The following RALGPS2 variants were observed in gnomAD, a reference collection of about 807,000 sequenced individuals.
RALGPS2 encodes ras-specific guanine nucleotide-releasing factor RalGPS2.
In RALGPS2, 43 loss-of-function variants were observed where a neutral mutation model predicts 86.8. The observed-to-expected ratio is 0.50, with a 90% CI of 0.39 to 0.64. The LOEUF (loss-of-function observed/expected upper bound fraction) is 0.64. Ranked by LOEUF, RALGPS2 falls within the 30% of genes least tolerant of loss-of-function variation. The probability of loss-of-function intolerance (pLI) is 0.00; values close to 1 mark genes in which losing one functional copy is unlikely to be tolerated. For synonymous variants in RALGPS2, 243 were observed against 231.3 expected (o/e 1.05, Z -0.46); for missense variants, 536 against 694.6 (o/e 0.77, Z 2.57).
chr1:178,891,343 C>T (rs1219281791), intron 14 of RALGPS2, among the ~76,000 whole-genome samples: 1 of 152,040 alleles, frequency 6.6e-6, no homozygotes, highest in Non-Finnish European at 1.5e-5. Flanking sequence ...TAAAGTACTA[C>T]TCATGGATAG....
intron 8 of RALGPS2, among the ~76,000 whole-genome samples, chr1:178,840,546 G>C (rs1023171418): frequency 1.3e-4 from 20 of 152,278 alleles, no homozygotes; most frequent in African/African-American, 4.6e-4. Context: ...ACAAGAGAAA[G>C]CAGGAAAGAT....
intron 7 of RALGPS2, among the ~76,000 whole-genome samples, chr1:178,831,218 A>G (rs1656003279): frequency 6.6e-6 from 1 of 152,228 alleles, no homozygotes; most frequent in South Asian, 2.1e-4. Context: ...TTCGTTATAA[A>G]GTTTAAATCC....
intron 4 of RALGPS2, among the ~76,000 whole-genome samples, chr1:178,793,400 T>C (rs1295497317): frequency 1.4e-5 from 2 of 146,168 alleles, no homozygotes; most frequent in Admixed American, 1.4e-4. Flanking sequence ...ACCACAGGGG[T>C]CTTTTTTTTT....
chr1:178,857,121 T>C (rs906084474), intron 8 of RALGPS2, among the ~76,000 whole-genome samples: 5 of 152,194 alleles, frequency 3.3e-5, no homozygotes, highest in Non-Finnish European at 5.9e-5. Flanking sequence ...TAATTTCTTA[T>C]GTGGGAGTGA....
At chr1:178,806,221 T>A (rs1654733106) in intron 4 of RALGPS2, among the ~76,000 whole-genome samples, 2 of 152,302 alleles carry the variant, frequency 1.3e-5, no homozygotes, top group Non-Finnish European at 2.9e-5. Context: ...ACAAATTCTC[T>A]GAGATGTTCA....
At chr1:178,746,836 C>T in intron 1 of RALGPS2, 1 of 1,173,674 alleles carries the variant, frequency 8.5e-7, no homozygotes. Flanking sequence ...TTGTATCTTG[C>T]ATTTTAGAGG....
At chr1:178,827,616 C>T (rs1262121992) in intron 7 of RALGPS2, among the ~76,000 whole-genome samples, 1 of 151,838 alleles carries the variant, frequency 6.6e-6, no homozygotes, top group Non-Finnish European at 1.5e-5. Context: ...GGGATGGTCT[C>T]GATCTCCTGA....
Position 178,892,277 on chromosome 1 carries a change from A to G in RALGPS2, c.1295A>G (p.Asn432Ser), listed in dbSNP as rs1572456674. Residue 432 changes from asparagine to serine, a missense_variant, in exon 15 of 20, where the codon AAT (asparagine) becomes AGT (serine). Asn to Ser is a conservative substitution (Grantham distance 46, BLOSUM62 1). Around this residue, in one of 3 missense-constraint regions of RALGPS2, gnomAD observed 309 missense variants for 363.0 expected, o/e 0.85. Transcript: ENST00000367635. ...GGCCCGGTGACAAGAGTGGCACGAA[A>G]TGGCTATCGAAGTCACATGAAGGCC... ...SLGPVTRVAR[N>S]GYRSHMKASS... is the part of the protein sequence containing the mutation. 3.7e-6 allele frequency: 6 copies of G among 1,612,758 alleles called. No individual in the cohort carries two copies. In the East Asian group the frequency reaches 1.3e-4, roughly 36 times the overall value.
At chr1:178,806,806 C>CT (rs1162871177) in intron 4 of RALGPS2, among the ~76,000 whole-genome samples, 1 of 151,902 alleles carries the variant, frequency 6.6e-6, no homozygotes, top group Non-Finnish European at 1.5e-5. Context: ...AGTTCTTTTT[C>CT]TTTTTTTGTT....
chr1:178,883,771 G>A (rs896719289), intron 11 of RALGPS2, among the ~76,000 whole-genome samples: 1 of 152,082 alleles, frequency 6.6e-6, no homozygotes, highest in South Asian at 2.1e-4. Context: ...GGATCACAGG[G>A]TCAGGAGATC....
At chr1:178,861,595 C>G (rs781010842) in intron 8 of RALGPS2, among the ~76,000 whole-genome samples, 14 of 152,108 alleles carry the variant, frequency 9.2e-5, no homozygotes, top group Non-Finnish European at 2.1e-4. Flanking sequence ...ACCATCCACT[C>G]AAGCTTCAGG....
At chr1:178,811,526 TAA>T (rs1434204930) in intron 6 of RALGPS2, 122 bp downstream of exon 6, 7 of 685,698 alleles carry the variant, frequency 1.0e-5, no homozygotes, top group Non-Finnish European at 1.7e-5. Context: ...CTCATTGATA[TAA>T]GTCAATTTTT....
intron 18 of RALGPS2, among the ~76,000 whole-genome samples, chr1:178,903,221 T>A (rs1380397204): frequency 6.6e-6 from 1 of 152,214 alleles, no homozygotes; most frequent in Non-Finnish European, 1.5e-5. Context: ...TATCAACAGA[T>A]ATCCCACTTT....
intron 2 of RALGPS2, among the ~76,000 whole-genome samples, chr1:178,782,428 G>A (rs1457997547): frequency 6.6e-6 from 1 of 152,080 alleles, no homozygotes; most frequent in African/African-American, 2.4e-5. Context: ...TATGCCCAGA[G>A]CATTCTGTTC....
intron 8 of RALGPS2, chr1:178,865,566 G>C: frequency 6.2e-7 from 1 of 1,614,088 alleles, no homozygotes; most frequent in East Asian, 2.2e-5. Flanking sequence ...CTTGCATCTT[G>C]CCCCTTGGTG....
chr1:178,858,028 T>C (rs12757284), intron 8 of RALGPS2, among the ~76,000 whole-genome samples: 36,294 of 152,150 alleles, frequency 0.24, 5,054 homozygotes, highest in Non-Finnish European at 0.32. Flanking sequence ...TGTTTTGCAG[T>C]GGGCTTTGTG....
chr1:178,827,451 G>A (rs1655801096), intron 7 of RALGPS2, among the ~76,000 whole-genome samples: 1 of 144,312 alleles, frequency 6.9e-6, no homozygotes, highest in Admixed American at 7.0e-5. Context: ...CTGGAGTGCA[G>A]TGGCGGGATC....
intron 4 of RALGPS2, among the ~76,000 whole-genome samples, chr1:178,805,845 G>A (rs990711761): frequency 6.6e-6 from 1 of 152,006 alleles, no homozygotes; most frequent in African/African-American, 2.4e-5. Context: ...TTTTCTTTGA[G>A]CTAAAATGTA....
At chr1:178,780,735 T>C (rs1288148617) in intron 2 of RALGPS2, among the ~76,000 whole-genome samples, 1 of 152,174 alleles carries the variant, frequency 6.6e-6, no homozygotes, top group African/African-American at 2.4e-5. Context: ...CTTCCCATTC[T>C]GGTGTGTCCC....
Sources: allele counts gnomAD v4.1 joint callset (sites outside exome capture counted in the v4.1 genomes callset), GRCh38; gene constraint gnomAD v4.1.1; regional missense constraint gnomAD v4.1.1; transcripts MANE v1.5; gene names NCBI Gene and HGNC (gene_info 2026-07-23, HGNC 2026-07-21).